ITIH3: variants seen among roughly 807,000 people sequenced by gnomAD.
ITIH3 encodes inter-alpha-trypsin inhibitor heavy chain 3.
A neutral mutation model predicts 96.5 loss-of-function variants in ITIH3; 81 were observed. The ratio of observed to expected loss-of-function variants is 0.84; its 90% CI spans 0.70 to 1.01. The LOEUF is 1.01. Among genes scored for constraint, ITIH3 ranks in the 50% least tolerant of loss-of-function variants. The pLI, the probability that ITIH3 is intolerant of heterozygous loss-of-function variation, is 0.00. For missense variants in ITIH3, 1,057 were observed against 1,139.3 expected, an observed-to-expected ratio of 0.93 and a Z score of 1.04; for synonymous variants, 422 against 445.2, an observed-to-expected ratio of 0.95 and a Z score of 0.66.
chr3:52,805,290 G>T, intron 15 of ITIH3: 1 of 1,008,210 alleles, frequency 9.9e-7, no homozygotes, highest in Non-Finnish European at 1.2e-6. Context: ...CTACTGGCCT[G>T]CCCCACCTCC....
intron 15 of ITIH3, chr3:52,805,217 C>T: frequency 3.7e-6 from 3 of 810,740 alleles, no homozygotes; most frequent in Non-Finnish European, 4.5e-6. Flanking sequence ...TCCTCTGTGC[C>T]TCTCTCACCA....
At chr3:52,795,028 A>C (rs1490657370) in intron 1 of ITIH3, 132 bp downstream of exon 1, 15 of 741,472 alleles carry the variant, frequency 2.0e-5, no homozygotes, top group Non-Finnish European at 3.3e-5. Context: ...AGTAGTGTGG[A>C]CACTGGGAGA....
rs746370174 is a variant in ITIH3 at position 52,796,548 on chromosome 3, A to G, written c.182A>G (p.Asn61Ser). 4.2e-5 allele frequency: 68 copies of G among 1,613,560 alleles called. No homozygotes were observed. In the African/African-American group the frequency reaches 7.9e-4, roughly 19 times the overall value. Residue 61 changes from asparagine to serine, a missense_variant, in exon 3 of 22, where the codon AAT becomes AGT. Asn to Ser is a conservative substitution (Grantham distance 46, BLOSUM62 1). Transcript: ENST00000449956. ...NSKVTSRFAH[N>S]VVTMRAVNRA... is the part of the protein sequence containing the mutation. The stretch of plus-strand genomic sequence containing the variant: ...AAGGTGACCTCCCGTTTTGCTCACA[A>G]TGTTGTCACCATGAGAGCCGTCAAC...
intron 15 of ITIH3, 77 bp downstream of exon 15, chr3:52,804,811 A>G: frequency 1.3e-6 from 2 of 1,503,014 alleles, no homozygotes; most frequent in South Asian, 2.4e-5. Flanking sequence ...TTTCCAAGCA[A>G]GATAGGACCC....
Position 52,799,962 on chromosome 3 carries a change from C to A in ITIH3, c.1075+41C>A, listed in dbSNP as rs1699757973. 3.8e-6 allele frequency: 6 copies of A among 1,588,590 alleles called. No individual in the cohort carries two copies. In the East Asian group the frequency reaches 1.3e-4, roughly 36 times the overall value. On this transcript the variant is annotated intron_variant, in intron 9 of 21. Transcript: ENST00000449956. ...GAGCCCACACACCTCCTAGCGGTGC[C>A]TCCCTCTGTCCCTGAGCAGCCTGCA...
At chr3:52,800,733 G>A in intron 10 of ITIH3, 70 bp downstream of exon 10, 1 of 1,561,488 alleles carries the variant, frequency 6.4e-7, no homozygotes. Flanking sequence ...TCTGTAGCTG[G>A]CTCATTGGAA....
At position 52,797,824 on chromosome 3, in the gene ITIH3, T is replaced by C. The variant is rs769972968; in HGVS notation, c.557T>C (p.Val186Ala). 19 of 1,601,250 alleles carry C rather than the reference T, an allele frequency of 1.2e-5. No individual in the cohort carries two copies. Among genetic ancestry groups the C allele is most frequent in the Middle Eastern group, 1.7e-4 (1 of 5,902 alleles). Residue 186 changes from valine to alanine, a missense_variant, in exon 6 of 22, where the codon GTA (valine) becomes GCA (alanine). Val to Ala is a moderately conservative substitution (Grantham distance 64). Transcript: ENST00000449956. ...TTACTTTGGCCATTTCAGATCGAGG[T>C]AGACATCTTCGAGCCTCAGGGAATC... ...KQLVKHFEIE[V>A]DIFEPQGISM...
chr3:52,799,331 C>A, intron 7 of ITIH3, 41 bp from the exon 8 acceptor site: 1 of 1,455,476 alleles, frequency 6.9e-7, no homozygotes, highest in Non-Finnish European at 9.4e-7. Flanking sequence ...TGTGGTGTTG[C>A]TAAAAGGACA....
At chr3:52,806,648 T>G (rs1193895254) in intron 18 of ITIH3, among the ~76,000 whole-genome samples, 1 of 152,206 alleles carries the variant, frequency 6.6e-6, no homozygotes, top group East Asian at 1.9e-4. Context: ...ACCCAGCCTG[T>G]GTCTGGGGAA....
At chr3:52,799,520 G>T in intron 8 of ITIH3, 32 bp downstream of exon 8, 1 of 1,466,402 alleles carries the variant, frequency 6.8e-7, no homozygotes, top group African/African-American at 1.4e-5. Flanking sequence ...GCCAGGGCTC[G>T]GGGTAGTAGG....
At position 52,803,871 on chromosome 3, in the gene ITIH3, G is replaced by A. The variant is rs749806688; in HGVS notation, c.1726G>A (p.Glu576Lys). The part of the protein sequence containing the change: ...LLEKRKNAHG[E>K]EKENLTARAL... ...TCCTCACAGCAAGAACGCCCATGGC[G>A]AGGAGAAGGAGAACCTCACGGCCCG... Residue 576 changes from glutamate (E) to lysine (K), a missense_variant, in exon 14 of 22, where the codon GAG (glutamate) becomes AAG (lysine). Physicochemically the swap from Glu to Lys is moderately conservative, Grantham distance 56 (BLOSUM62 1). Transcript: ENST00000449956. The A allele has an allele frequency of 5.2e-5, 84 of 1,613,850 alleles. No individual in the cohort carries two copies. In the South Asian group the frequency reaches 5.7e-4, roughly 11 times the overall value.
chr3:52,801,592 C>T (rs1172425717), intron 11 of ITIH3, among the ~76,000 whole-genome samples: 1 of 152,104 alleles, frequency 6.6e-6, no homozygotes, highest in African/African-American at 2.4e-5. Flanking sequence ...CTTTCTAGGC[C>T]TCTTTCCTTT....
At position 52,799,814 on chromosome 3, in the gene ITIH3, T is replaced by A; in HGVS notation, c.968T>A (p.Ile323Asn). The A allele has an allele frequency of 6.2e-7, 1 of 1,613,862 alleles. No individual in the cohort carries two copies. Among genetic ancestry groups the A allele is most frequent in the Non-Finnish European group, 8.5e-7 (1 of 1,179,810 alleles). Residue 323 changes from isoleucine (I) to asparagine (N), a missense_variant, in exon 9 of 22, where the codon ATC (isoleucine) becomes AAC (asparagine). Transcript: ENST00000449956. ...CAAGAGGAAGACTATCTGAATTTCA[T>A]CCTGTTCAGTGGAGATGTGTCCACA... Reference protein sequence around the residue: ...DMQEEDYLNFILFSGDVSTWK... With the variant: ...DMQEEDYLNFNLFSGDVSTWK...
At chr3:52,797,640 A>G (rs1699643160) in intron 5 of ITIH3, among the ~76,000 whole-genome samples, 177 bp from the exon 6 acceptor site, 1 of 152,196 alleles carries the variant, frequency 6.6e-6, no homozygotes, top group Admixed American at 6.5e-5. Flanking sequence ...CCCGATCAGC[A>G]TACTCTCCTC....
chr3:52,794,901 G>A lies in ITIH3; in HGVS notation c.93+5G>A. ...AGCCCCTTTCGGCTGCTTGGGGTGAGTCTGCCCCCTCTTTGCCATCTGGGT... is the reference window on the plus strand; with the variant it reads ...AGCCCCTTTCGGCTGCTTGGGGTGAATCTGCCCCCTCTTTGCCATCTGGGT... On this transcript the variant is annotated splice_donor_5th_base_variant and intron_variant, in intron 1 of 21. Coordinates refer to ENST00000449956, the MANE Select transcript of ITIH3 (RefSeq NM_002217.4). 4 of 1,611,462 alleles carry A rather than the reference G, an allele frequency of 2.5e-6. No homozygotes were observed. The highest frequency in any genetic ancestry group is 3.4e-6 in the Non-Finnish European group (4 of 1,177,712).
intron 11 of ITIH3, 91 bp downstream of exon 11, chr3:52,801,237 A>G (rs1176525109): frequency 8.3e-7 from 1 of 1,202,156 alleles, no homozygotes. Context: ...GTTATTAGGA[A>G]GAGCTTCGTC....
chr3:52,801,241 C>A, intron 11 of ITIH3, 95 bp downstream of exon 11: 2 of 1,177,178 alleles, frequency 1.7e-6, no homozygotes, highest in Non-Finnish European at 2.3e-6. Context: ...TTAGGAAGAG[C>A]TTCGTCTTGG....
intron 2 of ITIH3, 32 bp from the exon 3 acceptor site, chr3:52,796,449 G>A (rs773408284): frequency 1.2e-6 from 2 of 1,600,980 alleles, no homozygotes; most frequent in Admixed American, 1.7e-5. Flanking sequence ...CAGTGTCCCA[G>A]TCTGGCTGAT....
chr3:52,796,401 T>C, intron 2 of ITIH3, 80 bp from the exon 3 acceptor site: 2 of 1,312,176 alleles, frequency 1.5e-6, no homozygotes, highest in Non-Finnish European at 1.1e-6. Flanking sequence ...CCTCCAAGGG[T>C]TTGCAAGGGA....
Sources: gnomAD v4.1 joint callset for allele counts (sites outside exome capture counted in the v4.1 genomes callset) on GRCh38, gnomAD v4.1.1 for gene constraint, MANE v1.5 for transcripts, NCBI Gene and HGNC (gene_info 2026-07-23, HGNC 2026-07-21) for gene names.